THSD7A: variants seen among roughly 807,000 people sequenced by gnomAD.
The protein encoded by THSD7A is thrombospondin type 1 domain containing 7A, also known as thrombospondin type-1 domain-containing protein 7A.
THSD7A carries 96 observed loss-of-function variants against 231.3 expected under a neutral mutation model. That is an observed-to-expected ratio of 0.41 (90% CI 0.35 to 0.49). The LOEUF (loss-of-function observed/expected upper bound fraction) is 0.49, where lower values mean the gene tolerates loss of function less well. THSD7A is among the 20% of genes least tolerant of loss of function. The pLI is 0.05. For synonymous variants in THSD7A, 940 were observed against 743.3 expected, an observed-to-expected ratio of 1.26 and a Z score of -4.30; for missense variants, 2,290 against 2,070.2, an observed-to-expected ratio of 1.11 and a Z score of -2.06.
At position 11,596,695 on chromosome 7, in the gene THSD7A, G is replaced by A. The variant is rs184592481; in HGVS notation, c.1023-3193C>T. On this transcript the variant is annotated intron_variant, in intron 2 of 27. Coordinates refer to ENST00000423059, the MANE Select transcript of THSD7A (RefSeq NM_015204.3). ...GGTGATTCCTACCACATCCCTGTTC[G>A]ACTCTCCCATTTGGCCTGTGCAGAA... Among the ~76,000 whole-genome samples, 15 of 152,332 alleles carry A rather than the reference G, an allele frequency of 9.8e-5. No homozygotes were observed. The South Asian group carries it at 2.3e-3, about 23-fold the overall frequency.
chr7:11,789,882 T>C (rs958773844), intron 1 of THSD7A, among the ~76,000 whole-genome samples: 3 of 152,030 alleles, frequency 2.0e-5, no homozygotes, highest in African/African-American at 7.2e-5. Flanking sequence ...TGTAAGCTCC[T>C]TGTAGGCAGG....
intron 9 of THSD7A, among the ~76,000 whole-genome samples, chr7:11,465,128 A>G (rs1026454226): frequency 6.6e-6 from 1 of 152,146 alleles, no homozygotes; most frequent in Non-Finnish European, 1.5e-5. Flanking sequence ...TATACCTAAG[A>G]CAAGAGTCAC....
intron 2 of THSD7A, among the ~76,000 whole-genome samples, chr7:11,635,866 C>T (rs1290333164): frequency 6.6e-6 from 1 of 151,744 alleles, no homozygotes; most frequent in East Asian, 1.9e-4. Flanking sequence ...AGAGAAGAAG[C>T]AGTATCTTTT....
rs1554274392 is a variant in THSD7A, at chr7:11,758,038, T to TATATATATAA, written c.190+73718_190+73719insTTATATATAT. Among the ~76,000 whole-genome samples the TATATATATAA allele has an allele frequency of 2.8e-5, 4 of 144,646 alleles. No homozygotes were observed. The South Asian group carries it at 6.6e-4, about 24-fold the overall frequency. The allele number at this position is 144,646 out of a possible 152,430, so 94.9% of individuals were successfully genotyped here. A position where few individuals can be genotyped will look rare whatever the true frequency, so the allele number is the denominator to read the frequency against. ...ATATATATATATATATATATATATATAATGTTTCACTTTAATCATCACAAA... is the reference window on the plus strand; with the variant it reads ...ATATATATATATATATATATATATATATATATATAAAATGTTTCACTTTAATCATCACAAA... On this transcript the variant is annotated intron_variant, in intron 1 of 27. Transcript: ENST00000423059.
chr7:11,498,948 T>C (rs1022309326), intron 6 of THSD7A, among the ~76,000 whole-genome samples: 28 of 152,188 alleles, frequency 1.8e-4, no homozygotes, highest in African/African-American at 6.5e-4. Context: ...ACTGGGCAGG[T>C]CCTCCAAGCC....
intron 1 of THSD7A, among the ~76,000 whole-genome samples, chr7:11,665,523 A>G (rs993805146): frequency 2.7e-4 from 41 of 152,096 alleles, no homozygotes; most frequent in African/African-American, 9.2e-4. Context: ...TCCATTTTCA[A>G]AGAAGGTTTC....
intron 1 of THSD7A, among the ~76,000 whole-genome samples, chr7:11,662,459 A>G (rs1002523678): frequency 4.6e-5 from 7 of 151,368 alleles, no homozygotes; most frequent in Non-Finnish European, 8.9e-5. Flanking sequence ...AGTAATTATG[A>G]CAAGATACTG....
chr7:11,402,002 T>C, intron 22 of THSD7A, 34 bp from the exon 23 acceptor site: 1 of 1,586,548 alleles, frequency 6.3e-7, no homozygotes. Context: ...TACACCCATA[T>C]CCACAGAGAA....
intron 4 of THSD7A, among the ~76,000 whole-genome samples, chr7:11,565,720 C>A (rs1790284432): frequency 1.3e-5 from 2 of 152,050 alleles, no homozygotes; most frequent in South Asian, 4.1e-4. Context: ...TTCTAGAACC[C>A]CTAGACCATG....
intron 4 of THSD7A, among the ~76,000 whole-genome samples, chr7:11,562,052 T>C (rs1462118459): frequency 2.0e-5 from 3 of 152,174 alleles, no homozygotes; most frequent in Non-Finnish European, 4.4e-5. Context: ...TTGACTAGAA[T>C]GATATAAGTT....
At chr7:11,749,596 T>C (rs1395078015) in intron 1 of THSD7A, among the ~76,000 whole-genome samples, 1 of 152,032 alleles carries the variant, frequency 6.6e-6, no homozygotes, top group Admixed American at 6.6e-5. Flanking sequence ...TTATAATTAC[T>C]GTGACCATTC....
At chr7:11,393,358 CT>C (rs1192981227) in intron 23 of THSD7A, among the ~76,000 whole-genome samples, 2 of 152,166 alleles carry the variant, frequency 1.3e-5, no homozygotes, top group Non-Finnish European at 2.9e-5. Context: ...AGACCCCGAA[CT>C]GAAGGTAACC....
chr7:11,584,810 A>G (rs1055614013), intron 4 of THSD7A, among the ~76,000 whole-genome samples: 1 of 152,234 alleles, frequency 6.6e-6, no homozygotes, highest in Non-Finnish European at 1.5e-5. Context: ...TTTAAGGACT[A>G]GATCATGTGT....
intron 1 of THSD7A, among the ~76,000 whole-genome samples, chr7:11,807,550 C>T (rs1285923541): frequency 6.6e-6 from 1 of 152,040 alleles, no homozygotes; most frequent in African/African-American, 2.4e-5. Flanking sequence ...TGAAGATTTA[C>T]ATAACAGTAA....
At position 11,636,815 on chromosome 7, in the gene THSD7A, T is replaced by C. The variant is rs1781880359; in HGVS notation, c.337A>G (p.Lys113Glu). Residue 113 changes from lysine to glutamate, a missense_variant, in exon 2 of 28, where the codon AAA becomes GAA. By Grantham distance (56) the Lys-to-Glu change is moderately conservative (BLOSUM62 1). Transcript: ENST00000423059. The surrounding 1 kb of genome is among the most constrained non-coding windows in gnomAD (Gnocchi z 10.0). ...ERPNNQQNCFKVCDWHKELYD... is the reference protein window; with the variant it reads ...ERPNNQQNCFEVCDWHKELYD... ...AACTCTTTGTGCCAATCGCAAACTTTGAAACAATTCTGCTGGTTATTGGGT... is the reference window on the plus strand; with the variant it reads ...AACTCTTTGTGCCAATCGCAAACTTCGAAACAATTCTGCTGGTTATTGGGT... The C allele has an allele frequency of 6.2e-7, 1 of 1,613,998 alleles. No homozygotes were observed. The highest frequency in any genetic ancestry group is 8.5e-7 in the Non-Finnish European group (1 of 1,179,898).
chr7:11,687,367 G>A lies in THSD7A; in HGVS notation c.191-50406C>T, dbSNP rs184982867. ...ATGACTGTCCTATGATAGAGATACT[G>A]GTTTATGTCATTAGTCATCTATGGG... is the stretch of plus-strand genomic sequence containing the variant. On this transcript the variant is annotated intron_variant, in intron 1 of 27. Coordinates refer to ENST00000423059, the MANE Select transcript of THSD7A (RefSeq NM_015204.3). Among the ~76,000 whole-genome samples, 99 of 152,012 alleles carry A rather than the reference G, an allele frequency of 6.5e-4. 2 individuals are homozygous for A. The highest frequency in any genetic ancestry group is 2.2e-3 in the African/African-American group (91 of 41,504).
At chr7:11,715,532 G>A (rs1011779585) in intron 1 of THSD7A, among the ~76,000 whole-genome samples, 2 of 151,392 alleles carry the variant, frequency 1.3e-5, no homozygotes. Context: ...ACAACCTGCT[G>A]TTAAGATTTT....
rs1402995222 is a variant in THSD7A at position 11,412,820 on chromosome 7, A to G, written c.3538-20T>C. Reference sequence around the variant, plus strand: ...GCAAGGCTTAAAAAGAACAGTACAAATTCTCAGAAAGGTGAATACTCAGCT... The same window carrying G: ...GCAAGGCTTAAAAAGAACAGTACAAGTTCTCAGAAAGGTGAATACTCAGCT... On this transcript the variant is annotated intron_variant, in intron 17 of 27. Coordinates refer to ENST00000423059, the MANE Select transcript of THSD7A (RefSeq NM_015204.3). The G allele has an allele frequency of 1.2e-6, 2 of 1,602,040 alleles. No homozygotes were observed. The highest frequency in any genetic ancestry group is 1.1e-5 in the South Asian group (1 of 89,180).
chr7:11,490,469 G>A (rs561889149), intron 6 of THSD7A, among the ~76,000 whole-genome samples: 1 of 152,052 alleles, frequency 6.6e-6, no homozygotes, highest in South Asian at 2.1e-4. Flanking sequence ...AGACAAAAAG[G>A]GTATGTGTGT....
Sources: gnomAD v4.1 joint callset for allele counts (sites outside exome capture counted in the v4.1 genomes callset) on GRCh38, gnomAD v4.1.1 for gene constraint, Gnocchi (gnomAD v3.1) non-coding constraint, MANE v1.5 for transcripts, NCBI Gene and HGNC (gene_info 2026-07-23, HGNC 2026-07-21) for gene names.